Variants in GPR89A observed in about 807,000 individuals in gnomAD.
GPR89A encodes G protein-coupled receptor 89A.
A neutral mutation model predicts 52.0 loss-of-function variants in GPR89A; 16 were observed. That is an observed-to-expected ratio of 0.31 (90% CI 0.21 to 0.47). The LOEUF is 0.47. Ranked by LOEUF, GPR89A falls within the 20% of genes least tolerant of loss-of-function variation. The probability of loss-of-function intolerance (pLI) is 1.00; values close to 1 mark genes in which losing one functional copy is unlikely to be tolerated. For synonymous variants in GPR89A, 55 were observed against 150.9 expected, an observed-to-expected ratio of 0.36 and a Z score of 4.66; for missense variants, 135 against 449.4, an observed-to-expected ratio of 0.30 and a Z score of 6.33.
chr1:145,661,486 T>G (rs1652200295), intron 10 of GPR89A, among the ~76,000 whole-genome samples: 2 of 146,632 alleles, frequency 1.4e-5, no homozygotes, highest in African/African-American at 5.0e-5. Flanking sequence ...AACTTTTTTA[T>G]TATAGCCATC....
At chr1:145,632,116 A>AT (rs1318076816) in intron 7 of GPR89A, among the ~76,000 whole-genome samples, 5 of 150,248 alleles carry the variant, frequency 3.3e-5, no homozygotes, top group African/African-American at 1.2e-4. Context: ...AATTATTAGA[A>AT]TTTTTTTGTT....
At position 145,641,128 on chromosome 1, in the gene GPR89A, G is replaced by A. The variant is rs587628220; in HGVS notation, c.618-2741G>A. The stretch of plus-strand genomic sequence containing the variant: ...TCTTTCTTTAAAAGCTAAACATGCC[G>A]TTACCACACCCCAACAATTGCACTC... On this transcript the variant is annotated intron_variant, in intron 7 of 13. Coordinates refer to ENST00000313835, the MANE Select transcript of GPR89A (RefSeq NM_001097612.2). Among the ~76,000 whole-genome samples, 10 of 151,534 alleles carry A rather than the reference G, an allele frequency of 6.6e-5. No homozygotes were observed. In the East Asian group the frequency reaches 1.7e-3, roughly 26 times the overall value.
intron 1 of GPR89A, among the ~76,000 whole-genome samples, chr1:145,613,704 C>T (rs1648463144): frequency 6.6e-6 from 1 of 150,770 alleles, no homozygotes; most frequent in African/African-American, 2.4e-5. Flanking sequence ...TCACTCTGCG[C>T]CTTTACTCAT....
At position 145,670,228 on chromosome 1, in the gene GPR89A, T is replaced by C. The variant is rs1553697293; in HGVS notation, c.*188T>C. ...ACCATGAGTAGCATCAGCCAGAACA[T>C]GAGAGGGAGAACTAACTCAAGACAA... is the stretch of plus-strand genomic sequence containing the variant. On this transcript the variant is annotated 3_prime_UTR_variant, in exon 14 of 14. Transcript: ENST00000313835. 2 of 1,476,934 alleles carry C rather than the reference T, an allele frequency of 1.4e-6. No homozygotes were observed. The highest frequency in any genetic ancestry group is 2.8e-5 in the African/African-American group (2 of 70,670). The allele number at this position is 1,476,934 out of a possible 1,614,324, so 91.5% of individuals were successfully genotyped here.
intron 10 of GPR89A, among the ~76,000 whole-genome samples, chr1:145,661,448 AAGTATAAT>A (rs1235512415): frequency 6.6e-6 from 1 of 150,886 alleles, no homozygotes; most frequent in Non-Finnish European, 1.5e-5. Context: ...CTAAAACTTA[AAGTATAAT>A]AATAATAAAA....
At chr1:145,634,081 G>GAT (rs142006362) in intron 7 of GPR89A, among the ~76,000 whole-genome samples, 75,297 of 146,194 alleles carry the variant, frequency 0.52, 21,126 homozygotes, top group African/African-American at 0.75. Context: ...TGTCTATTGT[G>GAT]TTTTTTTTTT....
intron 7 of GPR89A, among the ~76,000 whole-genome samples, chr1:145,634,268 C>T (rs1380615699): frequency 2.0e-5 from 3 of 151,724 alleles, no homozygotes; most frequent in South Asian, 2.1e-4. Context: ...TTGGTAGAGA[C>T]GGGGTTTCAC....
At chr1:145,616,779 TG>T in intron 2 of GPR89A, among the ~76,000 whole-genome samples, 1 of 152,020 alleles carries the variant, frequency 6.6e-6, no homozygotes, top group Non-Finnish European at 1.5e-5. Context: ...ATTTTACAGC[TG>T]GGCCTCCAGG....
At chr1:145,660,626 C>G (rs1179775112) in intron 10 of GPR89A, among the ~76,000 whole-genome samples, 34 of 152,066 alleles carry the variant, frequency 2.2e-4, no homozygotes, top group African/African-American at 7.7e-4. Context: ...ACAAACAACC[C>G]CATCAAAAAG....
chr1:145,635,339 G>C (rs1553690550), intron 7 of GPR89A, among the ~76,000 whole-genome samples: 2 of 152,086 alleles, frequency 1.3e-5, no homozygotes, highest in Non-Finnish European at 1.5e-5. Context: ...CCAGGAGGCG[G>C]AGCTTGCGGT....
At chr1:145,612,739 C>A (rs1487220752) in intron 1 of GPR89A, among the ~76,000 whole-genome samples, 2 of 151,890 alleles carry the variant, frequency 1.3e-5, no homozygotes, top group African/African-American at 4.8e-5. Context: ...TTCCACCATC[C>A]TTCTCATCTT....
In GPR89A at chr1:145,646,213, G is replaced by A; in HGVS notation, c.757G>A (p.Ala253Thr). ...TACTCTTATTCAACAGGAAGTGGAT[G>A]CTTTGGAAGAATTAAGCAGGCAGCT... ...NLTLIQQEVD[A>T]LEELSRQLFL... The change falls in exon 9 of 14, where the codon GCT becomes ACT. Residue 253 changes from alanine to threonine, a missense_variant. Physicochemically the swap from Ala to Thr is moderately conservative, Grantham distance 58 (BLOSUM62 0). Around this residue, in one of 10 missense-constraint regions of GPR89A, gnomAD observed 23 missense variants for 42.2 expected, o/e 0.54. Transcript: ENST00000313835. 6.2e-7 allele frequency: 1 copy of A among 1,611,834 alleles called. No homozygotes were observed. Among genetic ancestry groups the A allele is most frequent in the Non-Finnish European group, 8.5e-7 (1 of 1,178,210 alleles).
At chr1:145,629,138 G>A (rs1210554436) in intron 5 of GPR89A, among the ~76,000 whole-genome samples, 8 of 152,094 alleles carry the variant, frequency 5.3e-5, no homozygotes, top group Admixed American at 4.6e-4. Flanking sequence ...ATAGCACCAA[G>A]ATTATCACTA....
At position 145,645,978 on chromosome 1, in the gene GPR89A, G is replaced by A. The variant is rs587646262; in HGVS notation, c.728-206G>A. ...AACTGAGTGGTAATTGTTTGGTGGC[G>A]ATGCTCTTGATGGAGAAGCTTTTAC... On this transcript the variant is annotated intron_variant, in intron 8 of 13. Transcript: ENST00000313835. 7.6e-5 allele frequency: 49 copies of A among 641,036 alleles called. 1 individual carries two copies. The highest frequency in any genetic ancestry group is 2.1e-4 in the South Asian group (11 of 51,426). 39.7% of individuals were successfully genotyped at this position (641,036 alleles called of 1,614,324 possible).
In GPR89A at chr1:145,643,921, C is replaced by G; in HGVS notation, c.670C>G (p.Pro224Ala). The change falls in exon 8 of 14, where the codon CCA becomes GCA. Residue 224 changes from proline to alanine, a missense_variant. Pro to Ala is a conservative substitution (Grantham distance 27). Coordinates refer to ENST00000313835, the MANE Select transcript of GPR89A (RefSeq NM_001097612.2). Reference protein sequence around the residue: ...MFQKGEVHNKPSGFWGMIKSV... With the variant: ...MFQKGEVHNKASGFWGMIKSV... ...CCAGAAGGGGGAAGTGCATAACAAA[C>G]CATCAGGTTTCTGGGGAATGATAAA... 2.8e-6 allele frequency: 1 copy of G among 359,702 alleles called. No homozygotes were observed. The highest frequency in any genetic ancestry group is 4.6e-6 in the Non-Finnish European group (1 of 216,346). The allele number at this position is 359,702 out of a possible 1,614,324, so 22.3% of individuals were successfully genotyped here.
chr1:145,637,543 C>T (rs1374777309), intron 7 of GPR89A, among the ~76,000 whole-genome samples: 1 of 151,836 alleles, frequency 6.6e-6, no homozygotes, highest in African/African-American at 2.4e-5. Flanking sequence ...ATTCCAAAGT[C>T]ACTACAACAT....
intron 1 of GPR89A, among the ~76,000 whole-genome samples, chr1:145,609,141 TTGTG>T (rs1228484353): frequency 6.6e-6 from 1 of 152,156 alleles, no homozygotes; most frequent in Non-Finnish European, 1.5e-5. Context: ...AATAAAGATT[TTGTG>T]TGTGTGTGGT....
At chr1:145,627,035 C>T (rs1371849403) in intron 5 of GPR89A, among the ~76,000 whole-genome samples, 1 of 151,498 alleles carries the variant, frequency 6.6e-6, no homozygotes, top group Non-Finnish European at 1.5e-5. Flanking sequence ...GGTGTCTGAA[C>T]CAACCTTGGA....
chr1:145,661,690 T>C, intron 10 of GPR89A, among the ~76,000 whole-genome samples: 1 of 150,944 alleles, frequency 6.6e-6, no homozygotes, highest in Middle Eastern at 3.4e-3. Context: ...GTTATTTCCT[T>C]TCTTCTGCTT....
Sources: gnomAD v4.1 joint callset for allele counts (sites outside exome capture counted in the v4.1 genomes callset) on GRCh38, gnomAD v4.1.1 for gene constraint, gnomAD v4.1.1 regional missense constraint, MANE v1.5 for transcripts, NCBI Gene and HGNC (gene_info 2026-07-23, HGNC 2026-07-21) for gene names.